PRCP: variants seen among roughly 807,000 people sequenced by gnomAD.
PRCP encodes the protein lysosomal Pro-X carboxypeptidase.
A neutral mutation model predicts 54.2 loss-of-function variants in PRCP; 46 were observed. That is an observed-to-expected ratio of 0.85 (90% CI 0.67 to 1.09). The LOEUF (loss-of-function observed/expected upper bound fraction) is 1.09. Ranked by LOEUF, PRCP falls within the 50% of genes least tolerant of loss-of-function variation. The pLI is 0.00. For synonymous variants in PRCP, 240 were observed against 212.2 expected, an observed-to-expected ratio of 1.13 and a Z score of -1.14; for missense variants, 613 against 596.8, an observed-to-expected ratio of 1.03 and a Z score of -0.28.
Position 82,848,991 on chromosome 11 carries a change from T to C in PRCP, c.921+58A>G, listed in dbSNP as rs779574811. 3.3e-4 allele frequency: 511 copies of C among 1,536,088 alleles called. 1 individual carries two copies. The highest frequency in any genetic ancestry group is 8.8e-4 in the Middle Eastern group (5 of 5,690). On this transcript the variant is annotated intron_variant, in intron 6 of 8. Coordinates refer to ENST00000313010, the MANE Select transcript of PRCP (RefSeq NM_005040.4). Reference sequence around the variant, plus strand: ...TTCTCTGAGGCAGAAAGTCAGAGTATGCACATTAAAAAAAAAGTGTGTTAT... The same window carrying C: ...TTCTCTGAGGCAGAAAGTCAGAGTACGCACATTAAAAAAAAAGTGTGTTAT...
chr11:82,829,508 C>A, intron 8 of PRCP: 1 of 152,198 alleles, frequency 6.6e-6, no homozygotes, highest in East Asian at 1.9e-4. Flanking sequence ...TTGATGAAGT[C>A]TTCCCTGGTC....
chr11:82,847,876 G>A (rs1416517396), intron 6 of PRCP, among the ~76,000 whole-genome samples: 1 of 152,170 alleles, frequency 6.6e-6, no homozygotes, highest in Admixed American at 6.5e-5. Context: ...TTACAGGGAT[G>A]AGCGACCATG....
At chr11:82,839,451 G>T (rs1565219242) in intron 6 of PRCP, 26 bp from the exon 7 acceptor site, 2 of 1,576,964 alleles carry the variant, frequency 1.3e-6, no homozygotes, top group African/African-American at 1.4e-5. Context: ...GATAAATGGG[G>T]AAAGAGTCAG....
chr11:82,848,765 T>C (rs1430898117), intron 6 of PRCP, among the ~76,000 whole-genome samples: 2 of 152,342 alleles, frequency 1.3e-5, no homozygotes, highest in Middle Eastern at 3.4e-3. Context: ...ATAGTAATTA[T>C]TCCATTAACA....
chr11:82,854,712 C>A (rs1859039876), intron 2 of PRCP, among the ~76,000 whole-genome samples: 1 of 144,756 alleles, frequency 6.9e-6, no homozygotes, highest in South Asian at 2.2e-4. Flanking sequence ...CTTGAATCAC[C>A]AAAGCAATCC....
At chr11:82,842,203 A>G (rs1364744876) in intron 6 of PRCP, among the ~76,000 whole-genome samples, 1 of 152,218 alleles carries the variant, frequency 6.6e-6, no homozygotes. Flanking sequence ...AGGAGTCCCT[A>G]TGAATAGCCA....
chr11:82,864,756 A>G lies in PRCP; in HGVS notation c.169-4639T>C, dbSNP rs527865366. Among the ~76,000 whole-genome samples the G allele has an allele frequency of 1.4e-4, 21 of 152,316 alleles. No individual in the cohort carries two copies. The South Asian group carries it at 4.1e-3, about 30-fold the overall frequency. ...TTTATAATTTTTTTTATGGCCCAAGAAATTTCAAAACATGCTTCCCCACTT... is the reference window on the plus strand; with the variant it reads ...TTTATAATTTTTTTTATGGCCCAAGGAATTTCAAAACATGCTTCCCCACTT... On this transcript the variant is annotated intron_variant, in intron 1 of 8. Coordinates refer to ENST00000313010, the MANE Select transcript of PRCP (RefSeq NM_005040.4).
At chr11:82,892,492 G>A (rs1003522902) in intron 1 of PRCP, among the ~76,000 whole-genome samples, 1 of 151,956 alleles carries the variant, frequency 6.6e-6, no homozygotes. Context: ...TTTCAGTACA[G>A]AATTATTCTT....
intron 6 of PRCP, among the ~76,000 whole-genome samples, chr11:82,842,546 C>T (rs1858699747): frequency 1.3e-5 from 2 of 152,108 alleles, no homozygotes; most frequent in Non-Finnish European, 2.9e-5. Context: ...TGGGTCATTC[C>T]CCACCTTTCA....
intron 1 of PRCP, among the ~76,000 whole-genome samples, chr11:82,888,911 T>C (rs541839060): frequency 2.6e-5 from 4 of 152,304 alleles, no homozygotes; most frequent in African/African-American, 4.8e-5. Flanking sequence ...ACATGTGCTA[T>C]GGAGGAGTAT....
intron 1 of PRCP, 52 bp from the exon 2 acceptor site, chr11:82,860,169 A>C (rs754908031): frequency 7.8e-7 from 1 of 1,281,224 alleles, no homozygotes. Context: ...ATAAAATGAG[A>C]TCAACATAAA....
Position 82,838,481 on chromosome 11 carries a change from A to T in PRCP, c.1180T>A (p.Cys394Ser). The T allele has an allele frequency of 6.2e-7, 1 of 1,614,154 alleles. No homozygotes were observed. Among genetic ancestry groups the T allele is most frequent in the African/African-American group, 1.3e-5 (1 of 75,064 alleles). ...SWNLKELSDD[C>S]FQQWGVRPRP... ...GGTCTCACACCCCACTGTTGAAAAC[A>T]GTCATCAGAAAGTTCCTTTAAGTTC... is the stretch of plus-strand genomic sequence containing the variant. Residue 394 changes from cysteine to serine, a missense_variant, in exon 8 of 9, where the codon TGT becomes AGT. Cys to Ser is a moderately radical substitution (Grantham distance 112). Transcript: ENST00000313010.
rs183418297 is a variant in PRCP at position 82,823,972 on chromosome 11, T to C, written c.*934A>G. On this transcript the variant is annotated 3_prime_UTR_variant, in exon 9 of 9. Coordinates refer to ENST00000313010, the MANE Select transcript of PRCP (RefSeq NM_005040.4). ...GTTTTAATGACAGCAGTAACAACTA[T>C]CAGAAAATAAAATTTTAAAAATTTA... is the stretch of plus-strand genomic sequence containing the variant. 1 of 152,214 alleles carries C rather than the reference T, an allele frequency of 6.6e-6. No individual in the cohort carries two copies. The highest frequency in any genetic ancestry group is 1.5e-5 in the Non-Finnish European group (1 of 68,042). 9.4% of individuals were successfully genotyped at this position (152,214 alleles called of 1,614,324 possible). A position where few individuals can be genotyped will look rare whatever the true frequency, so the allele number is the denominator to read the frequency against.
Position 82,823,188 on chromosome 11 carries a change from A to T in PRCP, c.*1718T>A, listed in dbSNP as rs965774084. ...AATGTAACTCATCCAAATAATCAAC[A>T]TCAAATAAAATGGCAAAGTATTTTA... On this transcript the variant is annotated 3_prime_UTR_variant, in exon 9 of 9. Transcript: ENST00000313010. 1.3e-5 allele frequency among the ~76,000 whole-genome samples: 2 copies of T among 152,210 alleles called. No homozygotes were observed. Among genetic ancestry groups the T allele is most frequent in the Admixed American group, 6.5e-5 (1 of 15,292 alleles).
At chr11:82,899,724 C>A (rs1233689149) in intron 1 of PRCP, among the ~76,000 whole-genome samples, 1 of 151,880 alleles carries the variant, frequency 6.6e-6, no homozygotes, top group African/African-American at 2.4e-5. Context: ...GGACTGTCAA[C>A]AATTCTTAAT....
intron 1 of PRCP, among the ~76,000 whole-genome samples, chr11:82,875,233 T>C (rs1859577217): frequency 6.6e-6 from 1 of 152,194 alleles, no homozygotes; most frequent in Admixed American, 6.5e-5. Context: ...AATCTCTGTA[T>C]CCACAAAGTG....
At position 82,839,117 on chromosome 11, in the gene PRCP, G is replaced by A. The variant is rs572671257; in HGVS notation, c.1086+144C>T. On this transcript the variant is annotated intron_variant, in intron 7 of 8. Transcript: ENST00000313010. ...AACAAATGAATGAACAAGAAAACTTGTCCATAGTATCACAGCATAAGGTAA... is the reference window on the plus strand; with the variant it reads ...AACAAATGAATGAACAAGAAAACTTATCCATAGTATCACAGCATAAGGTAA... The A allele has an allele frequency of 7.7e-5, 58 of 750,924 alleles. No homozygotes were observed. The Admixed American group carries it at 9.9e-4, about 13-fold the overall frequency. The allele number at this position is 750,924 out of a possible 1,614,324, so 46.5% of individuals were successfully genotyped here. A position where few individuals can be genotyped will look rare whatever the true frequency, so the allele number is the denominator to read the frequency against.
chr11:82,893,111 GAGA>G (rs1387763585), intron 1 of PRCP, among the ~76,000 whole-genome samples: 4 of 152,214 alleles, frequency 2.6e-5, no homozygotes, highest in East Asian at 1.9e-4. Flanking sequence ...AAGGAATTGT[GAGA>G]AGAAGTGACA....
chr11:82,882,725 G>C (rs1238591381), intron 1 of PRCP, among the ~76,000 whole-genome samples: 1 of 151,482 alleles, frequency 6.6e-6, no homozygotes, highest in African/African-American at 2.4e-5. Flanking sequence ...TCGATCTCCT[G>C]ACCTCGTGAT....
Sources: allele counts gnomAD v4.1 joint callset (sites outside exome capture counted in the v4.1 genomes callset), GRCh38; gene constraint gnomAD v4.1.1; transcripts MANE v1.5; gene names NCBI Gene and HGNC (gene_info 2026-07-23, HGNC 2026-07-21).